PACS2: variants seen among roughly 807,000 people sequenced by gnomAD.
PACS2 encodes phosphofurin acidic cluster sorting protein 2.
A neutral mutation model predicts 113.0 loss-of-function variants in PACS2; 36 were observed. That is an observed-to-expected ratio of 0.32 (90% CI 0.24 to 0.42). The LOEUF is 0.42. PACS2 is among the 10% of genes least tolerant of loss of function. The probability of loss-of-function intolerance (pLI) is 1.00; values close to 1 mark genes in which losing one functional copy is unlikely to be tolerated. For synonymous variants in PACS2, 589 were observed against 536.1 expected (o/e 1.10, Z -1.36); for missense variants, 1,015 against 1,239.5 (o/e 0.82, Z 2.72).
rs1023959217 is a variant in PACS2, at chr14:105,356,928, C to T, written c.423+1751C>T. On this transcript the variant is annotated intron_variant, in intron 4 of 24. Coordinates refer to ENST00000447393, the MANE Select transcript of PACS2 (RefSeq NM_001100913.3). The surrounding 1 kb of genome is among the most constrained non-coding windows in gnomAD (Gnocchi z 4.0). ...CTGTGTTTCCCATTAGCCATGCAGG[C>T]GATGTCCTGCTGATCCCTGCCGGTC... Among the ~76,000 whole-genome samples the T allele has an allele frequency of 2.7e-5, 4 of 147,940 alleles. No individual in the cohort carries two copies. Among genetic ancestry groups the T allele is most frequent in the Admixed American group, 6.6e-5 (1 of 15,076 alleles).
intron 8 of PACS2, chr14:105,370,296 G>GACCCCCCCTCCCCACCTGACA (rs1555409089): frequency 1.9e-5 from 2 of 107,734 alleles, no homozygotes; most frequent in African/African-American, 8.0e-5. Flanking sequence ...TATTGACATG[G>GACCCCCCCTCCCCACCTGACA]GCCCCCCCTC....
intron 23 of PACS2, 37 bp downstream of exon 23, chr14:105,392,882 AAGGGCGGCTCTGTGGGAG>A (rs1566973469): frequency 6.7e-7 from 1 of 1,495,550 alleles, no homozygotes; most frequent in Admixed American, 1.7e-5. Context: ...CACGGCGCAG[AAGGGCGGCTCTGTGGGAG>A]AGGGCGGCTC....
chr14:105,366,337 G>A lies in PACS2; in HGVS notation c.424-876G>A, dbSNP rs1275615452. ...CACACCAGCCTGGGCCACAGAATGA[G>A]ACTCCGTCTCAAAAAAGTAATAAAT... On this transcript the variant is annotated intron_variant, in intron 4 of 24. Transcript: ENST00000447393. This position sits in a 1 kb window ranked among gnomAD's most constrained non-coding sequence, Gnocchi z 4.3. Among the ~76,000 whole-genome samples the A allele has an allele frequency of 2.0e-5, 3 of 152,220 alleles. No homozygotes were observed. The highest frequency in any genetic ancestry group is 7.2e-5 in the African/African-American group (3 of 41,446).
rs1555415269 is a variant in PACS2 at position 105,392,728 on chromosome 14, A to T, written c.2365A>T (p.Asn789Tyr). ...AEKKDLPVTK[N>Y]TLKCTFRSLQ... ...GAAGAAGGACCTGCCTGTCACCAAAAACACGCTCAAGTGCACTTTCCGGTC... is the reference window on the plus strand; with the variant it reads ...GAAGAAGGACCTGCCTGTCACCAAATACACGCTCAAGTGCACTTTCCGGTC... Residue 789 changes from asparagine (N) to tyrosine (Y), a missense_variant, in exon 23 of 25, where the codon AAC becomes TAC. Around this residue, in one of 3 missense-constraint regions of PACS2, gnomAD observed 859 missense variants for 1,056.8 expected, o/e 0.81. Transcript: ENST00000447393. 6.2e-7 allele frequency: 1 copy of T among 1,612,900 alleles called. No homozygotes were observed. Among genetic ancestry groups the T allele is most frequent in the Non-Finnish European group, 8.5e-7 (1 of 1,180,002 alleles).
chr14:105,391,157 G>A, intron 20 of PACS2, 50 bp from the exon 21 acceptor site: 1 of 1,499,814 alleles, frequency 6.7e-7, no homozygotes, highest in Non-Finnish European at 9.3e-7. Context: ...GAGGGCGCTG[G>A]GCTAGCTGAA....
intron 1 of PACS2, among the ~76,000 whole-genome samples, chr14:105,335,168 G>C (rs1490334040): frequency 6.6e-6 from 1 of 152,234 alleles, no homozygotes; most frequent in South Asian, 2.1e-4. Flanking sequence ...GTGTGGTGGA[G>C]CCCAGCACTG....
chr14:105,368,536 C>T lies in PACS2; in HGVS notation c.738C>T (p.Thr246=), dbSNP rs782607701. ...CGATTGTAAGAACGACGTCCATGAC[C>T]AGGGTTGGTGGAGACTGCTTCTATG... ...RRSIVRTTSM[T]RQQNFKQKVV... The change falls in exon 7 of 25, where the codon ACC becomes ACT. Residue 246 remains threonine, a synonymous_variant. Coordinates refer to ENST00000447393, the MANE Select transcript of PACS2 (RefSeq NM_001100913.3). The T allele has an allele frequency of 3.7e-6, 6 of 1,612,684 alleles. No homozygotes were observed. Among genetic ancestry groups the T allele is most frequent in the Non-Finnish European group, 5.1e-6 (6 of 1,178,882 alleles).
chr14:105,370,172 TG>T, intron 8 of PACS2: 3 of 373,522 alleles, frequency 8.0e-6, no homozygotes, highest in Non-Finnish European at 9.7e-6. Flanking sequence ...TTAGTTTGTG[TG>T]TTTTTTTTTT....
intron 4 of PACS2, among the ~76,000 whole-genome samples, chr14:105,360,741 G>A (rs1464577683): frequency 6.6e-6 from 1 of 151,968 alleles, no homozygotes; most frequent in South Asian, 2.1e-4. Flanking sequence ...TCTTCTTTTC[G>A]CAGAATAGTT....
At position 105,366,523 on chromosome 14, in the gene PACS2, G is replaced by A. The variant is rs587685830; in HGVS notation, c.424-690G>A. The stretch of plus-strand genomic sequence containing the variant: ...CGTGGGGCACGGCGGGGCTGTGCCT[G>A]GGTACAGGTCGTGGCTGCAGGAGGG... On this transcript the variant is annotated intron_variant, in intron 4 of 24. Coordinates refer to ENST00000447393, the MANE Select transcript of PACS2 (RefSeq NM_001100913.3). This position sits in a 1 kb window ranked among gnomAD's most constrained non-coding sequence, Gnocchi z 4.3. Among the ~76,000 whole-genome samples, 1 of 152,328 alleles carries A rather than the reference G, an allele frequency of 6.6e-6. No individual in the cohort carries two copies. Among genetic ancestry groups the A allele is most frequent in the Admixed American group, 6.5e-5 (1 of 15,308 alleles).
chr14:105,382,190 G>C (rs986612777), intron 13 of PACS2, 132 bp downstream of exon 13: 10 of 1,075,844 alleles, frequency 9.3e-6, no homozygotes. Context: ...GGCTTTGGAG[G>C]GCTCCTGCTA....
In PACS2 at chr14:105,323,945, G is replaced by A. The variant is rs989948888; in HGVS notation, c.119+8908G>A. 6.6e-6 allele frequency among the ~76,000 whole-genome samples: 1 copy of A among 152,252 alleles called. No individual in the cohort carries two copies. Among genetic ancestry groups the A allele is most frequent in the Non-Finnish European group, 1.5e-5 (1 of 68,042 alleles). ...GCGTGCACACCGCTCTGTCCGCGCA[G>A]GCTGTGCCCTGCTTTCAAGATGCCT... is the stretch of plus-strand genomic sequence containing the variant. On this transcript the variant is annotated intron_variant, in intron 1 of 24. Transcript: ENST00000447393. This position sits in a 1 kb window ranked among gnomAD's most constrained non-coding sequence, Gnocchi z 4.1.
intron 21 of PACS2, 84 bp from the exon 22 acceptor site, chr14:105,391,547 G>C: frequency 9.1e-7 from 1 of 1,095,660 alleles, no homozygotes; most frequent in Non-Finnish European, 1.3e-6. Context: ...TGCCTGGCCT[G>C]GCCACATCCT....
chr14:105,305,094 G>A (rs1230296016), intron 1 of PACS2, among the ~76,000 whole-genome samples: 1 of 152,248 alleles, frequency 6.6e-6, no homozygotes, highest in South Asian at 2.1e-4. Context: ...TCATGAGCGG[G>A]ATTAATGCCC....
At chr14:105,311,322 T>G (rs1240839742), upstream of PACS2, among the ~76,000 whole-genome samples, 4 of 152,152 alleles carry the variant, frequency 2.6e-5, no homozygotes, top group Non-Finnish European at 5.9e-5. Context: ...GGTGTGATCC[T>G]GGTTCACTGC....
intron 2 of PACS2, 92 bp from the exon 3 acceptor site, chr14:105,352,286 C>T: frequency 2.5e-6 from 2 of 813,170 alleles, no homozygotes; most frequent in Non-Finnish European, 4.3e-6. Flanking sequence ...TGCAATCCTG[C>T]CAGTTTTAGA....
chr14:105,366,804 C>G lies in PACS2; in HGVS notation c.424-409C>G, dbSNP rs1168758387. On this transcript the variant is annotated intron_variant, in intron 4 of 24. Coordinates refer to ENST00000447393, the MANE Select transcript of PACS2 (RefSeq NM_001100913.3). The surrounding 1 kb of genome is among the most constrained non-coding windows in gnomAD (Gnocchi z 4.3). ...GTGGAGGGTGGAGGCAGGGTTGGAG[C>G]AGGGGGCCAGGATCTTCCTGGGTGG... is the stretch of plus-strand genomic sequence containing the variant. Among the ~76,000 whole-genome samples the G allele has an allele frequency of 6.6e-6, 1 of 152,106 alleles. No individual in the cohort carries two copies. The highest frequency in any genetic ancestry group is 6.5e-5 in the Admixed American group (1 of 15,270).
In PACS2 at chr14:105,323,270, A is replaced by G. The variant is rs376549086; in HGVS notation, c.119+8233A>G. Among the ~76,000 whole-genome samples, 44 of 152,242 alleles carry G rather than the reference A, an allele frequency of 2.9e-4. No homozygotes were observed. Among genetic ancestry groups the G allele is most frequent in the African/African-American group, 1.0e-3 (42 of 41,522 alleles). ...TCTCTCTCTCACCTCTGGAGCAACAATTGGACGTGTTGCTCTTCCTGCCGG... is the reference window on the plus strand; with the variant it reads ...TCTCTCTCTCACCTCTGGAGCAACAGTTGGACGTGTTGCTCTTCCTGCCGG... On this transcript the variant is annotated intron_variant, in intron 1 of 24. Transcript: ENST00000447393. The surrounding 1 kb of genome is among the most constrained non-coding windows in gnomAD (Gnocchi z 4.1).
At chr14:105,351,308 C>T (rs1202651043) in intron 2 of PACS2, among the ~76,000 whole-genome samples, 2 of 152,188 alleles carry the variant, frequency 1.3e-5, no homozygotes, top group Non-Finnish European at 2.9e-5. Context: ...GGTTGGGGTC[C>T]TGTTGTCTTT....
Sources: gnomAD v4.1 joint callset for allele counts (sites outside exome capture counted in the v4.1 genomes callset) on GRCh38, gnomAD v4.1.1 for gene constraint, gnomAD v4.1.1 regional missense constraint, Gnocchi (gnomAD v3.1) non-coding constraint, MANE v1.5 for transcripts, NCBI Gene and HGNC (gene_info 2026-07-23, HGNC 2026-07-21) for gene names.